Variants in SLC28A2 observed in about 807,000 individuals in gnomAD.
SLC28A2 encodes the protein solute carrier family 28 member 2.
In SLC28A2, 69 loss-of-function variants were observed where a neutral mutation model predicts 72.9. The observed-to-expected ratio is 0.95, with a 90% confidence interval of 0.78 to 1.16. The LOEUF (loss-of-function observed/expected upper bound fraction) is 1.16, where lower values mean the gene tolerates loss of function less well. SLC28A2 is among the 50% of genes most tolerant of loss of function. SLC28A2 has a pLI of 0.00. For synonymous variants in SLC28A2, 296 were observed against 294.1 expected (o/e 1.01, Z -0.07); for missense variants, 745 against 791.1 (o/e 0.94, Z 0.70).
intron 10 of SLC28A2, among the ~76,000 whole-genome samples, chr15:45,266,449 TC>T (rs1326470292): frequency 4.6e-5 from 7 of 152,186 alleles, no homozygotes; most frequent in Admixed American, 4.6e-4. Flanking sequence ...CCAATTCATA[TC>T]CCCTTTCGGA....
chr15:45,264,409 CAT>C (rs1900261275), intron 6 of SLC28A2, among the ~76,000 whole-genome samples: 2 of 152,272 alleles, frequency 1.3e-5, no homozygotes, highest in South Asian at 4.1e-4. Context: ...TGTATGCATG[CAT>C]ATATGTGTGT....
At chr15:45,268,765 T>C (rs1172568421) in intron 13 of SLC28A2, among the ~76,000 whole-genome samples, 9 of 151,904 alleles carry the variant, frequency 5.9e-5, no homozygotes, top group African/African-American at 2.2e-4. Context: ...TTGGAACCAA[T>C]CCAAATGTCC....
intron 3 of SLC28A2, chr15:45,255,383 T>C (rs1899946319): frequency 6.6e-6 from 1 of 152,114 alleles, no homozygotes; most frequent in Non-Finnish European, 1.5e-5. Flanking sequence ...AAAGATAAGG[T>C]AGTAAATATT....
intron 17 of SLC28A2, 76 bp from the exon 18 acceptor site, chr15:45,275,320 A>G: frequency 1.2e-6 from 1 of 837,144 alleles, no homozygotes; most frequent in Non-Finnish European, 2.0e-6. Context: ...TCAGCTGCTT[A>G]GTATAACTTA....
At position 45,264,662 on chromosome 15, in the gene SLC28A2, G is replaced by C; in HGVS notation, c.596G>C (p.Trp199Ser). 1 of 1,600,110 alleles carries C rather than the reference G, an allele frequency of 6.2e-7. No individual in the cohort carries two copies. The highest frequency in any genetic ancestry group is 8.6e-7 in the Non-Finnish European group (1 of 1,167,310). ...ACSKHHSAVS[W>S]RTVFSGLGLQ... ...TATTCTTATTGATCCTAGGTGTCCT[G>C]GAGGACAGTGTTTTCGGGCCTAGGT... Residue 199 changes from tryptophan (W) to serine (S), a missense_variant, in exon 7 of 18, where the codon TGG (tryptophan) becomes TCG (serine). Coordinates refer to ENST00000347644, the MANE Select transcript of SLC28A2 (RefSeq NM_004212.4).
chr15:45,269,608 C>A, intron 14 of SLC28A2, 73 bp downstream of exon 14: 1 of 1,371,914 alleles, frequency 7.3e-7, no homozygotes, highest in Non-Finnish European at 1.0e-6. Flanking sequence ...ACAGAAAGTG[C>A]CAAACAGGTT....
intron 4 of SLC28A2, 80 bp from the exon 5 acceptor site, chr15:45,262,981 C>T: frequency 8.0e-7 from 1 of 1,255,468 alleles, no homozygotes; most frequent in Non-Finnish European, 1.1e-6. Flanking sequence ...CTCTAAGTCC[C>T]AGGCATTCAT....
At chr15:45,259,783 A>C (rs757857656) in intron 3 of SLC28A2, among the ~76,000 whole-genome samples, 5 of 152,232 alleles carry the variant, frequency 3.3e-5, no homozygotes, top group African/African-American at 4.8e-5. Flanking sequence ...AAGACAGGTA[A>C]ACAGAAAAAT....
At chr15:45,271,610 A>AAGGT (rs1555432010) in intron 15 of SLC28A2, among the ~76,000 whole-genome samples, 3 of 151,596 alleles carry the variant, frequency 2.0e-5, no homozygotes, top group Middle Eastern at 3.4e-3. Flanking sequence ...GGAAGGAAGG[A>AAGGT]AGGAAGGAAT....
chr15:45,255,561 A>G (rs1023019826), intron 3 of SLC28A2, among the ~76,000 whole-genome samples: 1 of 152,200 alleles, frequency 6.6e-6, no homozygotes, highest in African/African-American at 2.4e-5. Context: ...ACAGCTTGCT[A>G]ATCTTTAGTC....
intron 15 of SLC28A2, among the ~76,000 whole-genome samples, chr15:45,271,231 GGGGT>G (rs1465596350): frequency 6.6e-6 from 1 of 152,210 alleles, no homozygotes; most frequent in Non-Finnish European, 1.5e-5. Flanking sequence ...CAGGGGCACA[GGGGT>G]GACTAGCAGA....
intron 17 of SLC28A2, among the ~76,000 whole-genome samples, chr15:45,274,530 G>T (rs138510648): frequency 1.2e-4 from 19 of 152,176 alleles, no homozygotes; most frequent in African/African-American, 4.6e-4. Flanking sequence ...TAAAGATTTG[G>T]AAGTTATTAA....
chr15:45,276,445 T>G lies in SLC28A2; in HGVS notation c.*932T>G, dbSNP rs988569518. 2 of 151,710 alleles carry G rather than the reference T, an allele frequency of 1.3e-5. No homozygotes were observed. Among genetic ancestry groups the G allele is most frequent in the Non-Finnish European group, 2.9e-5 (2 of 67,938 alleles). The allele number at this position is 151,710 out of a possible 1,614,324, so 9.4% of individuals were successfully genotyped here. On this transcript the variant is annotated 3_prime_UTR_variant, in exon 18 of 18. Coordinates refer to ENST00000347644, the MANE Select transcript of SLC28A2 (RefSeq NM_004212.4). The stretch of plus-strand genomic sequence containing the variant: ...TGTATACATATGTAACTAACCTGCA[T>G]ATTGTGCACATGTACCCTAAAACTT...
At position 45,270,258 on chromosome 15, in the gene SLC28A2, A is replaced by C; in HGVS notation, c.1630A>C (p.Ile544Leu). 1 of 1,612,852 alleles carries C rather than the reference A, an allele frequency of 6.2e-7. No homozygotes were observed. Among genetic ancestry groups the C allele is most frequent in the Non-Finnish European group, 8.5e-7 (1 of 1,178,808 alleles). Residue 544 changes from isoleucine to leucine, a missense_variant, in exon 15 of 18, where the codon ATC (isoleucine) becomes CTC (leucine). By Grantham distance (5) the Ile-to-Leu change is conservative (BLOSUM62 2). Transcript: ENST00000347644. The stretch of plus-strand genomic sequence containing the variant: ...ATTTGCCAATCTTAGTTCCATAGGA[A>C]TCACACTTGGAGGCTTGAGTGAGTT... The part of the protein sequence containing the change: ...CGFANLSSIG[I>L]TLGGLTSIVP...
chr15:45,261,164 A>G (rs1252738147), intron 3 of SLC28A2, among the ~76,000 whole-genome samples: 1 of 152,094 alleles, frequency 6.6e-6, no homozygotes, highest in Non-Finnish European at 1.5e-5. Flanking sequence ...TGGAAATTAG[A>G]GCTTTTGGCT....
intron 3 of SLC28A2, chr15:45,255,149 A>AGGAGGCCGAGGTGGGAGGATCACT (rs964340716): frequency 2.0e-5 from 3 of 151,790 alleles, no homozygotes; most frequent in African/African-American, 7.3e-5. Context: ...CAGCTATTCC[A>AGGAGGCCGAGGTGGGAGGATCACT]GGAGGCCGAG....
In SLC28A2 at chr15:45,267,578, G is replaced by A. The variant is rs1340118725; in HGVS notation, c.1066G>A (p.Gly356Arg). ...GTVLGAFIAFGVDASSLISAS... is the reference protein window; with the variant it reads ...GTVLGAFIAFRVDASSLISAS... Reference sequence around the variant, plus strand: ...TGTGCTGGGAGCCTTCATAGCCTTTGGGGTAGGCATAGTCTGCTTGATCAC... The same window carrying A: ...TGTGCTGGGAGCCTTCATAGCCTTTAGGGTAGGCATAGTCTGCTTGATCAC... Residue 356 changes from glycine (G) to arginine (R), a missense_variant and splice_region_variant, in exon 11 of 18, where the codon GGG becomes AGG. By Grantham distance (125) the Gly-to-Arg change is moderately radical. Coordinates refer to ENST00000347644, the MANE Select transcript of SLC28A2 (RefSeq NM_004212.4). 1.9e-6 allele frequency: 3 copies of A among 1,614,142 alleles called. No individual in the cohort carries two copies. In the Admixed American group the frequency reaches 5.0e-5, roughly 27 times the overall value.
At position 45,262,037 on chromosome 15, in the gene SLC28A2, A is replaced by C. The variant is rs1258418312; in HGVS notation, c.193A>C (p.Lys65Gln). The C allele has an allele frequency of 1.7e-5, 27 of 1,613,578 alleles. No homozygotes were observed. Among genetic ancestry groups the C allele is most frequent in the Non-Finnish European group, 2.2e-5 (26 of 1,179,528 alleles). ...TAGGAGGAGTCGGTGGCCTTTCAGCAAAGCAAGAAGTTTCTGCAAAACACA... is the reference window on the plus strand; with the variant it reads ...TAGGAGGAGTCGGTGGCCTTTCAGCCAAGCAAGAAGTTTCTGCAAAACACA... The part of the protein sequence containing the change: ...YQRRSRWPFS[K>Q]ARSFCKTHAS... Residue 65 changes from lysine to glutamine, a missense_variant, in exon 4 of 18, where the codon AAA (lysine) becomes CAA (glutamine). Transcript: ENST00000347644.
intron 17 of SLC28A2, 134 bp from the exon 18 acceptor site, chr15:45,275,262 T>C (rs953342500): frequency 3.1e-6 from 2 of 640,530 alleles, no homozygotes; most frequent in African/African-American, 3.6e-5. Flanking sequence ...AATTGGGTTC[T>C]ATTTGGTCAT....
Sources: gnomAD v4.1 joint callset for allele counts (sites outside exome capture counted in the v4.1 genomes callset) on GRCh38, gnomAD v4.1.1 for gene constraint, MANE v1.5 for transcripts, NCBI Gene and HGNC (gene_info 2026-07-23, HGNC 2026-07-21) for gene names.